AGPAT3: variants seen among roughly 807,000 people sequenced by gnomAD.
The protein encoded by AGPAT3 is 1-acyl-sn-glycerol-3-phosphate acyltransferase gamma.
A neutral mutation model predicts 47.3 loss-of-function variants in AGPAT3; 5 were observed. The ratio of observed to expected loss-of-function variants is 0.11; its 90% CI spans 0.06 to 0.22. The LOEUF (loss-of-function observed/expected upper bound fraction) is 0.22, where lower values mean the gene tolerates loss of function less well. Ranked by LOEUF, AGPAT3 falls within the 10% of genes least tolerant of loss-of-function variation. The probability of loss-of-function intolerance (pLI) is 1.00; values close to 1 mark genes in which losing one functional copy is unlikely to be tolerated. For synonymous variants in AGPAT3, 212 were observed against 208.3 expected (o/e 1.02, Z -0.15); for missense variants, 315 against 493.0 (o/e 0.64, Z 3.42).
At chr21:43,958,234 G>A (rs1327336535) in intron 2 of AGPAT3, among the ~76,000 whole-genome samples, 1 of 151,856 alleles carries the variant, frequency 6.6e-6, no homozygotes, top group Non-Finnish European at 1.5e-5. Context: ...GCATGGGAGA[G>A]TGTGTGTGTG....
chr21:43,907,588 G>T (rs2086530909), intron 2 of AGPAT3, among the ~76,000 whole-genome samples: 1 of 152,078 alleles, frequency 6.6e-6, no homozygotes. Context: ...GTGGTGGCGG[G>T]CACTTGTAGT....
intron 2 of AGPAT3, among the ~76,000 whole-genome samples, chr21:43,906,350 G>A (rs2086494026): frequency 6.6e-6 from 1 of 152,152 alleles, no homozygotes; most frequent in Non-Finnish European, 1.5e-5. Context: ...GCTGGTGAGT[G>A]TTAATATCGA....
rs1010276850 is a variant in AGPAT3 at position 43,973,738 on chromosome 21, A to G, written c.767+2248A>G. Among the ~76,000 whole-genome samples, 6 of 152,234 alleles carry G rather than the reference A, an allele frequency of 3.9e-5. No individual in the cohort carries two copies. In the South Asian group the frequency reaches 6.2e-4, roughly 16 times the overall value. ...CGCGCCCCTGCAGCCGAGCCATCAC[A>G]GCGCCAGGCTCCCCACAGCATGGGG... On this transcript the variant is annotated intron_variant, in intron 7 of 9. Transcript: ENST00000291572.
At position 43,986,011 on chromosome 21, in the gene AGPAT3, G is replaced by A. The variant is rs1408674661; in HGVS notation, c.*3619G>A. 1 of 152,328 alleles carries A rather than the reference G, an allele frequency of 6.6e-6. No homozygotes were observed. Among genetic ancestry groups the A allele is most frequent in the Admixed American group, 6.5e-5 (1 of 15,290 alleles). 9.4% of individuals were successfully genotyped at this position (152,328 alleles called of 1,614,324 possible). On this transcript the variant is annotated 3_prime_UTR_variant, in exon 10 of 10. Coordinates refer to ENST00000291572, the MANE Select transcript of AGPAT3 (RefSeq NM_020132.5). Reference sequence around the variant, plus strand: ...AGGCAAGCCCCCTCGGGCCTCGGGGGATGGGGCCGGCCACACCCCTGACTC... The same window carrying A: ...AGGCAAGCCCCCTCGGGCCTCGGGGAATGGGGCCGGCCACACCCCTGACTC...
In AGPAT3 at chr21:43,906,879, C is replaced by T. The variant is rs557841113; in HGVS notation, c.-49+2860C>T. Among the ~76,000 whole-genome samples, 4 of 152,334 alleles carry T rather than the reference C, an allele frequency of 2.6e-5. No homozygotes were observed. In the South Asian group the frequency reaches 8.3e-4, roughly 32 times the overall value. On this transcript the variant is annotated intron_variant, in intron 2 of 9. Transcript: ENST00000291572. The stretch of plus-strand genomic sequence containing the variant: ...ACACACATGCTGGGTGGAAGAAGCG[C>T]AGTGGGTCAGCACATGTGCAAGGCC...
intron 1 of AGPAT3, among the ~76,000 whole-genome samples, chr21:43,877,355 C>T (rs956450149): frequency 6.6e-6 from 1 of 152,182 alleles, no homozygotes; most frequent in Admixed American, 6.5e-5. Context: ...ATATACATGG[C>T]ATATGCCAGT....
At chr21:43,877,528 C>T (rs1278939267) in intron 1 of AGPAT3, among the ~76,000 whole-genome samples, 1 of 152,064 alleles carries the variant, frequency 6.6e-6, no homozygotes, top group African/African-American at 2.4e-5. Flanking sequence ...CCACAACTTC[C>T]GCCCCCCGGG....
intron 2 of AGPAT3, among the ~76,000 whole-genome samples, chr21:43,931,245 C>A (rs2087231828): frequency 6.6e-6 from 1 of 152,144 alleles, no homozygotes; most frequent in Admixed American, 6.5e-5. Context: ...CTAGTGACGT[C>A]CCACTGCTGG....
chr21:43,942,883 G>A (rs918666572), intron 2 of AGPAT3, among the ~76,000 whole-genome samples: 1 of 152,160 alleles, frequency 6.6e-6, no homozygotes, highest in Non-Finnish European at 1.5e-5. Context: ...TCTGTCTCCC[G>A]TCACCTGTGT....
chr21:43,978,287 G>GTTTTGT (rs1311389275), intron 8 of AGPAT3, among the ~76,000 whole-genome samples, 166 bp downstream of exon 8: 1 of 152,208 alleles, frequency 6.6e-6, no homozygotes, highest in Middle Eastern at 3.4e-3. Context: ...CTGTTGTTTT[G>GTTTTGT]TTTTGTTTTT....
chr21:43,886,505 G>A (rs2085982344), intron 1 of AGPAT3, among the ~76,000 whole-genome samples: 1 of 152,116 alleles, frequency 6.6e-6, no homozygotes, highest in African/African-American at 2.4e-5. Context: ...ACCCGACTCA[G>A]CCTCCAAAAG....
In AGPAT3 at chr21:43,955,946, C is replaced by T. The variant is rs963243727; in HGVS notation, c.-48-3688C>T. ...ATTCCTGTACTTTGCGCCGTAGCAACGGAATCAGCAGGTCTGCTGTGGAGC... is the reference window on the plus strand; with the variant it reads ...ATTCCTGTACTTTGCGCCGTAGCAATGGAATCAGCAGGTCTGCTGTGGAGC... On this transcript the variant is annotated intron_variant, in intron 2 of 9. Transcript: ENST00000291572. The surrounding 1 kb of genome is among the most constrained non-coding windows in gnomAD (Gnocchi z 4.1). Among the ~76,000 whole-genome samples the T allele has an allele frequency of 6.6e-6, 1 of 151,594 alleles. No individual in the cohort carries two copies. Among genetic ancestry groups the T allele is most frequent in the East Asian group, 1.9e-4 (1 of 5,148 alleles).
At chr21:43,926,460 G>A (rs1438680429) in intron 2 of AGPAT3, among the ~76,000 whole-genome samples, 1 of 152,116 alleles carries the variant, frequency 6.6e-6, no homozygotes, top group Non-Finnish European at 1.5e-5. Context: ...CCCCTGGGGT[G>A]GCCCAGCGTT....
In AGPAT3 at chr21:43,961,645, C is replaced by CACTTT. The variant is rs1569094938; in HGVS notation, c.178+1786_178+1787insACTTT. Among the ~76,000 whole-genome samples, 408 of 149,668 alleles carry CACTTT rather than the reference C, an allele frequency of 2.7e-3. 15 individuals carry two copies. The highest frequency in any genetic ancestry group is 9.4e-3 in the African/African-American group (382 of 40,682). ...ATATGGGAAACGGTGAGCGCGTATA[C>CACTTT]GCTTTGTCTCATGTGGGAAATGGTG... On this transcript the variant is annotated intron_variant, in intron 3 of 9. Transcript: ENST00000291572.
At chr21:43,900,472 T>C (rs192437096) in intron 1 of AGPAT3, among the ~76,000 whole-genome samples, 1 of 151,290 alleles carries the variant, frequency 6.6e-6, no homozygotes, top group Non-Finnish European at 1.5e-5. Context: ...ACCTGCAGAG[T>C]CTCCAGCCAC....
At chr21:43,878,389 A>T (rs1437888329) in intron 1 of AGPAT3, among the ~76,000 whole-genome samples, 2 of 152,202 alleles carry the variant, frequency 1.3e-5, no homozygotes, top group Non-Finnish European at 2.9e-5. Context: ...TTCAGTTCAC[A>T]TTGCACTGCT....
chr21:43,977,392 A>T (rs964587111), intron 7 of AGPAT3, among the ~76,000 whole-genome samples: 1 of 152,234 alleles, frequency 6.6e-6, no homozygotes, highest in Admixed American at 6.5e-5. Context: ...GGGAGCGCAC[A>T]CATGACCACC....
chr21:43,954,167 G>A lies in AGPAT3; in HGVS notation c.-48-5467G>A, dbSNP rs1382740389. ...GCTTTCCTGCTCTGCCAGCCCAAAG[G>A]ACTTTGAAGCTGGAGGCGGGGACCG... is the stretch of plus-strand genomic sequence containing the variant. On this transcript the variant is annotated intron_variant, in intron 2 of 9. Transcript: ENST00000291572. This position sits in a 1 kb window ranked among gnomAD's most constrained non-coding sequence, Gnocchi z 4.0. Among the ~76,000 whole-genome samples the A allele has an allele frequency of 6.6e-6, 1 of 152,206 alleles. No homozygotes were observed. The highest frequency in any genetic ancestry group is 1.9e-4 in the East Asian group (1 of 5,198).
chr21:43,963,074 C>T (rs1206517339), intron 3 of AGPAT3, among the ~76,000 whole-genome samples: 1 of 152,100 alleles, frequency 6.6e-6, no homozygotes, highest in African/African-American at 2.4e-5. Flanking sequence ...TAAAGCAAAA[C>T]CGTATGGATG....
Sources: allele counts gnomAD v4.1 joint callset (sites outside exome capture counted in the v4.1 genomes callset), GRCh38; gene constraint gnomAD v4.1.1; non-coding constraint Gnocchi (gnomAD v3.1); transcripts MANE v1.5; gene names NCBI Gene and HGNC (gene_info 2026-07-23, HGNC 2026-07-21).